NUCB1: variants seen among roughly 807,000 people sequenced by gnomAD.
The protein encoded by NUCB1 is nucleobindin-1.
A neutral mutation model predicts 61.2 loss-of-function variants in NUCB1; 47 were observed. The ratio of observed to expected loss-of-function variants is 0.77; its 90% CI spans 0.61 to 0.98. The LOEUF is 0.98. NUCB1 is among the 50% of genes least tolerant of loss of function. The pLI is 0.00. For synonymous variants in NUCB1, 234 were observed against 243.1 expected, an observed-to-expected ratio of 0.96 and a Z score of 0.35; for missense variants, 583 against 605.3, an observed-to-expected ratio of 0.96 and a Z score of 0.39.
At chr19:48,900,511 T>A in intron 1 of NUCB1, 139 bp downstream of exon 1, 1 of 524,606 alleles carries the variant, frequency 1.9e-6, no homozygotes, top group East Asian at 3.3e-5. Flanking sequence ...GACCCTGGAC[T>A]CTTGGGTCTG....
chr19:48,922,350 C>T lies in NUCB1; in HGVS notation c.1312C>T (p.Gln438Ter). Residue 438 changes from glutamine (Q) to a stop codon, truncating the protein, a stop_gained, in exon 13 of 13, where the codon CAG becomes TAG. Coordinates refer to ENST00000405315, the MANE Select transcript of NUCB1 (RefSeq NM_006184.6). LOFTEE classifies it low-confidence loss of function (END_TRUNC). ...ACCTGTCCCAGCTCCAGCCGGTGAC[C>T]AGAAGGAGGTGGACACTTCAGAAAA... ...DVPVPAPAGD[Q>*]KEVDTSEKKL... 6.2e-7 allele frequency: 1 copy of T among 1,613,802 alleles called. No homozygotes were observed.
intron 7 of NUCB1, among the ~76,000 whole-genome samples, chr19:48,914,019 G>T (rs544117023): frequency 6.7e-6 from 1 of 148,736 alleles, no homozygotes; most frequent in South Asian, 2.1e-4. Flanking sequence ...CCAGGCTGGA[G>T]TGCAGTGGCA....
At position 48,921,258 on chromosome 19, in the gene NUCB1, C is replaced by T. The variant is rs2037606650; in HGVS notation, c.1107C>T (p.Ser369=). 1 of 1,609,182 alleles carries T rather than the reference C, an allele frequency of 6.2e-7. No individual in the cohort carries two copies. Among genetic ancestry groups the T allele is most frequent in the Non-Finnish European group, 8.5e-7 (1 of 1,178,320 alleles). Residue 369 remains serine, a synonymous_variant, in exon 11 of 13, where the codon AGC becomes AGT. Transcript: ENST00000405315. ...AELNAKAQRL[S]QETEALGRSQ... is the part of the protein sequence containing the mutation. ...TGAATGCCAAGGCCCAGCGCCTCAG[C>T]CAGGAGACAGAGGCTCTAGGGCGGT...
At chr19:48,912,184 C>G (rs2037481707) in intron 5 of NUCB1, among the ~76,000 whole-genome samples, 1 of 151,792 alleles carries the variant, frequency 6.6e-6, no homozygotes, top group African/African-American at 2.4e-5. Flanking sequence ...GCCACCGCAC[C>G]AGGCTAATTT....
At position 48,921,927 on chromosome 19, in the gene NUCB1, A is replaced by G; in HGVS notation, c.1274A>G (p.Asp425Gly). ...GAGGGGCAGCTCAAGTTCCACCCAG[A>G]CACAGGTGCTGGCCCTAGTCCAGGG... ...HPEGQLKFHP[D>G]TDDVPVPAPA... The change falls in exon 12 of 13, where the codon GAC becomes GGC. Residue 425 changes from aspartate (D) to glycine (G), a missense_variant. Asp to Gly is a moderately conservative substitution (Grantham distance 94). Transcript: ENST00000405315. The G allele has an allele frequency of 6.3e-7, 1 of 1,596,376 alleles. No individual in the cohort carries two copies. Among genetic ancestry groups the G allele is most frequent in the East Asian group, 2.3e-5 (1 of 43,662 alleles).
chr19:48,919,346 C>A, intron 10 of NUCB1, 60 bp downstream of exon 10: 3 of 1,301,600 alleles, frequency 2.3e-6, no homozygotes, highest in Non-Finnish European at 3.3e-6. Context: ...CATGACCTTT[C>A]TTTCAGAATC....
intron 2 of NUCB1, among the ~76,000 whole-genome samples, chr19:48,903,858 GTGGATGGATGGA>G (rs35337876): frequency 1.1e-5 from 1 of 87,930 alleles, no homozygotes; most frequent in African/African-American, 6.3e-5. Context: ...GGATGGATGA[GTGGATGGATGGA>G]TGGATGGATG....
At chr19:48,914,990 G>C (rs563502072) in intron 7 of NUCB1, among the ~76,000 whole-genome samples, 9 of 152,228 alleles carry the variant, frequency 5.9e-5, no homozygotes, top group African/African-American at 2.2e-4. Flanking sequence ...TGAGGTGGGA[G>C]AATCACTTGA....
At chr19:48,903,472 G>A (rs879539852) in intron 2 of NUCB1, among the ~76,000 whole-genome samples, 1,399 of 136,646 alleles carry the variant, frequency 0.01, 73 homozygotes, top group Non-Finnish European at 0.013. Context: ...ATGGATGGGC[G>A]GGTGGATGGA....
rs374692064 is a variant in NUCB1 at position 48,913,398 on chromosome 19, G to GGGTAAA, written c.667-73_667-68dup. On this transcript the variant is annotated intron_variant, in intron 6 of 12. Coordinates refer to ENST00000405315, the MANE Select transcript of NUCB1 (RefSeq NM_006184.6). ...GAGGGAGATGATGTTTGTTGGATGA[G>GGGTAAA]GGTAAAGGGATATTTGGTTTTATCC... 686 of 1,351,924 alleles carry GGGTAAA rather than the reference G, an allele frequency of 5.1e-4. 4 individuals are homozygous for GGGTAAA. The African/African-American group carries it at 7.8e-3, about 15-fold the overall frequency. The allele number at this position is 1,351,924 out of a possible 1,614,324, so 83.7% of individuals were successfully genotyped here. A position where few individuals can be genotyped will look rare whatever the true frequency, so the allele number is the denominator to read the frequency against.
chr19:48,907,259 CA>C (rs2037422685), intron 4 of NUCB1, among the ~76,000 whole-genome samples: 1 of 150,652 alleles, frequency 6.6e-6, no homozygotes, highest in Non-Finnish European at 1.5e-5. Context: ...AGGTGTGAGC[CA>C]CCGCGCCTGG....
chr19:48,913,437 C>T, intron 6 of NUCB1, 37 bp from the exon 7 acceptor site: 1 of 1,570,664 alleles, frequency 6.4e-7, no homozygotes, highest in African/African-American at 1.3e-5. Flanking sequence ...GGCATCCAGA[C>T]TTCTTGCTCA....
At chr19:48,918,966 A>T in intron 8 of NUCB1, 64 bp from the exon 9 acceptor site, 17 of 1,515,044 alleles carry the variant, frequency 1.1e-5, no homozygotes, top group Non-Finnish European at 1.5e-5. Context: ...TGGGAGTTGA[A>T]GTTGTCGGGA....
rs565166397 is a variant in NUCB1, at chr19:48,912,651, C to T, written c.481-360C>T. Among the ~76,000 whole-genome samples the T allele has an allele frequency of 2.5e-4, 38 of 152,176 alleles. No individual in the cohort carries two copies. In the South Asian group the frequency reaches 4.3e-3, roughly 17 times the overall value. On this transcript the variant is annotated intron_variant, in intron 5 of 12. Transcript: ENST00000405315. ...AGGAGTTTGAGACCAGCCTGGCCAA[C>T]ATGGTGAAACCTCGTTTCTACTAAA...
intron 4 of NUCB1, 113 bp downstream of exon 4, chr19:48,905,998 GAAATGTGCTGAAA>G (rs1291458610): frequency 1.4e-5 from 13 of 962,866 alleles, no homozygotes; most frequent in Middle Eastern, 3.2e-4. Flanking sequence ...TCCCCGCTGC[GAAATGTGCTGAAA>G]TGTGCGTGGG....
chr19:48,920,522 A>G (rs756577050), intron 10 of NUCB1, among the ~76,000 whole-genome samples: 35 of 150,722 alleles, frequency 2.3e-4, no homozygotes, highest in African/African-American at 6.6e-4. Context: ...TTATTTATTT[A>G]TTTGTTTGTT....
At chr19:48,915,053 C>G (rs2037523858) in intron 7 of NUCB1, among the ~76,000 whole-genome samples, 1 of 151,830 alleles carries the variant, frequency 6.6e-6, no homozygotes, top group Admixed American at 6.6e-5. Flanking sequence ...GCACTGCAGC[C>G]TGGGTGACAG....
chr19:48,902,937 G>GTATGTA (rs2037367877), intron 2 of NUCB1, among the ~76,000 whole-genome samples: 1 of 146,914 alleles, frequency 6.8e-6, no homozygotes, highest in Non-Finnish European at 1.5e-5. Flanking sequence ...GGTAAAGAAT[G>GTATGTA]TATATATATA....
intron 2 of NUCB1, among the ~76,000 whole-genome samples, chr19:48,901,889 C>G (rs1291153965): frequency 1.3e-5 from 2 of 152,212 alleles, no homozygotes; most frequent in Admixed American, 6.5e-5. Flanking sequence ...CTTGCAGACC[C>G]AGGAAGGCTT....
Sources: gnomAD v4.1 joint callset for allele counts (sites outside exome capture counted in the v4.1 genomes callset) on GRCh38, gnomAD v4.1.1 for gene constraint, MANE v1.5 for transcripts, NCBI Gene and HGNC (gene_info 2026-07-23, HGNC 2026-07-21) for gene names.